The following ZSWIM6 variants were observed in gnomAD, a reference collection of about 807,000 sequenced individuals.
The protein encoded by ZSWIM6 is zinc finger SWIM-type containing 6.
Under a neutral mutation model 113.2 loss-of-function variants are expected in ZSWIM6, and 9 were observed. That is an observed-to-expected ratio of 0.08 (90% CI 0.05 to 0.14). ZSWIM6 has a LOEUF of 0.14. ZSWIM6 is among the 10% of genes least tolerant of loss of function. ZSWIM6 has a pLI of 1.00. For missense variants in ZSWIM6, 1,162 were observed against 1,552.2 expected, an observed-to-expected ratio of 0.75 and a Z score of 4.22; for synonymous variants, 611 against 606.5, an observed-to-expected ratio of 1.01 and a Z score of -0.11.
At position 61,544,249 on chromosome 5, in the gene ZSWIM6, G is replaced by A; in HGVS notation, c.3580G>A (p.Asp1194Asn). Residue 1194 changes from aspartate (D) to asparagine (N), a missense_variant, in exon 14 of 14, where the codon GAC (aspartate) becomes AAC (asparagine). Physicochemically the swap from Asp to Asn is conservative, Grantham distance 23. Transcript: ENST00000252744. Reference sequence around the variant, plus strand: ...ACACATTCAGTTTACACAGTTTATTGACAACCTGAAACAAATCTACAAAGG... The same window carrying A: ...ACACATTCAGTTTACACAGTTTATTAACAACCTGAAACAAATCTACAAAGG... ...DGHIQFTQFI[D>N]NLKQIYKGKK... 4 of 1,548,736 alleles carry A rather than the reference G, an allele frequency of 2.6e-6. No individual in the cohort carries two copies. Among genetic ancestry groups the A allele is most frequent in the Non-Finnish European group, 3.5e-6 (4 of 1,146,662 alleles).
At chr5:61,467,213 A>G (rs1174229932) in intron 1 of ZSWIM6, among the ~76,000 whole-genome samples, 9 of 152,204 alleles carry the variant, frequency 5.9e-5, no homozygotes, top group East Asian at 1.9e-4. Flanking sequence ...GATATTTACT[A>G]TGTTTGAAAT....
At chr5:61,483,635 G>A (rs1052345536) in intron 2 of ZSWIM6, among the ~76,000 whole-genome samples, 5 of 151,420 alleles carry the variant, frequency 3.3e-5, no homozygotes, top group South Asian at 2.1e-4. Flanking sequence ...TTGGGAGGCC[G>A]AGGTGGGCAG....
At chr5:61,537,756 C>G (rs1178175054) in intron 10 of ZSWIM6, among the ~76,000 whole-genome samples, 1 of 152,150 alleles carries the variant, frequency 6.6e-6, no homozygotes, top group African/African-American at 2.4e-5. Flanking sequence ...GCTGACTCTT[C>G]TTGGTCTCCA....
intron 1 of ZSWIM6, among the ~76,000 whole-genome samples, chr5:61,387,916 G>T (rs1040306760): frequency 1.4e-5 from 2 of 147,826 alleles, no homozygotes; most frequent in South Asian, 2.1e-4. Flanking sequence ...CTCTTTGAGG[G>T]GGGGAGAAAA....
chr5:61,358,252 A>G (rs951398475), intron 1 of ZSWIM6, among the ~76,000 whole-genome samples: 4 of 152,244 alleles, frequency 2.6e-5, no homozygotes, highest in Non-Finnish European at 4.4e-5. Context: ...GTTAGAAATA[A>G]TGTCTTGAAC....
chr5:61,378,013 T>C (rs1745406579), intron 1 of ZSWIM6, among the ~76,000 whole-genome samples: 1 of 152,216 alleles, frequency 6.6e-6, no homozygotes, highest in African/African-American at 2.4e-5. Flanking sequence ...TTTAGCAAAT[T>C]GTTAGCCTGA....
chr5:61,374,622 C>T (rs1412191700), intron 1 of ZSWIM6, among the ~76,000 whole-genome samples: 3 of 152,284 alleles, frequency 2.0e-5, no homozygotes, highest in South Asian at 4.1e-4. Flanking sequence ...GGCCCGATCT[C>T]GGCTTACTGC....
chr5:61,383,504 A>C (rs1745526591), intron 1 of ZSWIM6, among the ~76,000 whole-genome samples: 1 of 152,094 alleles, frequency 6.6e-6, no homozygotes. Flanking sequence ...AATATTTCTT[A>C]TTCTAATCTG....
chr5:61,400,499 T>C (rs1745923646), intron 1 of ZSWIM6, among the ~76,000 whole-genome samples: 1 of 152,164 alleles, frequency 6.6e-6, no homozygotes, highest in Non-Finnish European at 1.5e-5. Context: ...ACAGCCCAAG[T>C]TGATTTTTTG....
intron 4 of ZSWIM6, among the ~76,000 whole-genome samples, chr5:61,513,513 T>C (rs993516087): frequency 2.0e-5 from 3 of 152,144 alleles, no homozygotes; most frequent in Non-Finnish European, 4.4e-5. Context: ...CTTTTATGGG[T>C]CATGCTTTTG....
chr5:61,402,308 T>C (rs540273574), intron 1 of ZSWIM6, among the ~76,000 whole-genome samples: 1 of 152,294 alleles, frequency 6.6e-6, no homozygotes, highest in South Asian at 2.1e-4. Flanking sequence ...GAGAATGAAT[T>C]TGAAGATATA....
At chr5:61,503,519 C>T (rs998957619) in intron 4 of ZSWIM6, among the ~76,000 whole-genome samples, 3 of 152,114 alleles carry the variant, frequency 2.0e-5, no homozygotes, top group Non-Finnish European at 4.4e-5. Flanking sequence ...CCATAGTCTT[C>T]CTTTGTGTAT....
At chr5:61,510,026 C>T (rs1478968533) in intron 4 of ZSWIM6, among the ~76,000 whole-genome samples, 1 of 151,856 alleles carries the variant, frequency 6.6e-6, no homozygotes, top group Non-Finnish European at 1.5e-5. Context: ...ACACTCAAGT[C>T]TAAACAACCC....
intron 1 of ZSWIM6, among the ~76,000 whole-genome samples, chr5:61,417,721 C>T (rs1422892600): frequency 6.6e-6 from 1 of 152,190 alleles, no homozygotes; most frequent in African/African-American, 2.4e-5. Context: ...TTTTGAAATA[C>T]TATAAGCGAA....
chr5:61,362,425 T>G (rs1387749440), intron 1 of ZSWIM6, among the ~76,000 whole-genome samples: 1 of 152,172 alleles, frequency 6.6e-6, no homozygotes, highest in African/African-American at 2.4e-5. Context: ...CTCTAACTCC[T>G]GACCTCAGGT....
chr5:61,416,280 G>C (rs1009694880), intron 1 of ZSWIM6, among the ~76,000 whole-genome samples: 6 of 152,126 alleles, frequency 3.9e-5, no homozygotes, highest in Non-Finnish European at 7.3e-5. Flanking sequence ...AATAACTCTT[G>C]GGATTTCCCT....
chr5:61,426,068 C>A (rs898885639), intron 1 of ZSWIM6, among the ~76,000 whole-genome samples: 1 of 152,156 alleles, frequency 6.6e-6, no homozygotes, highest in Non-Finnish European at 1.5e-5. Flanking sequence ...GCTATGGAAA[C>A]CTGGAGGCTG....
At chr5:61,393,644 A>C (rs149063216) in intron 1 of ZSWIM6, among the ~76,000 whole-genome samples, 1 of 151,904 alleles carries the variant, frequency 6.6e-6, no homozygotes, top group African/African-American at 2.4e-5. Flanking sequence ...ATGCTGAGGC[A>C]GGAGAATCAC....
intron 1 of ZSWIM6, among the ~76,000 whole-genome samples, chr5:61,360,328 G>T (rs959695020): frequency 1.3e-5 from 2 of 152,244 alleles, no homozygotes; most frequent in African/African-American, 4.8e-5. Flanking sequence ...AAGGGAGTTT[G>T]GAAAATATAG....
Sources: allele counts gnomAD v4.1 joint callset (sites outside exome capture counted in the v4.1 genomes callset), GRCh38; gene constraint gnomAD v4.1.1; transcripts MANE v1.5; gene names NCBI Gene and HGNC (gene_info 2026-07-23, HGNC 2026-07-21).